The following PTPRD variants were observed in gnomAD, a reference collection of about 807,000 sequenced individuals.
PTPRD encodes the protein receptor-type tyrosine-protein phosphatase delta.
A neutral mutation model predicts 214.5 loss-of-function variants in PTPRD; 34 were observed. The ratio of observed to expected loss-of-function variants is 0.16; its 90% CI spans 0.12 to 0.21. PTPRD has a LOEUF of 0.21. Among genes scored for constraint, PTPRD ranks in the 10% least tolerant of loss-of-function variants. PTPRD has a pLI of 1.00. For missense variants in PTPRD, 2,545 were observed against 2,398.7 expected, an observed-to-expected ratio of 1.06 and a Z score of -1.27; for synonymous variants, 1,128 against 845.7, an observed-to-expected ratio of 1.33 and a Z score of -5.79.
chr9:9,969,737 T>C (rs548056209), intron 4 of PTPRD, among the ~76,000 whole-genome samples: 1 of 152,374 alleles, frequency 6.6e-6, no homozygotes, highest in African/African-American at 2.4e-5. Context: ...ACAGTCATTT[T>C]AAGTGGCAAT....
intron 9 of PTPRD, among the ~76,000 whole-genome samples, chr9:9,193,519 T>G (rs566999694): frequency 1.3e-5 from 2 of 152,304 alleles, no homozygotes; most frequent in Non-Finnish European, 2.9e-5. Context: ...TTAGGTGGTA[T>G]AGCCTACTAC....
chr9:10,564,827 T>C (rs1025693480), intron 2 of PTPRD, among the ~76,000 whole-genome samples: 1 of 152,198 alleles, frequency 6.6e-6, no homozygotes, highest in Admixed American at 6.5e-5. Flanking sequence ...AATGAATACT[T>C]ACACAGCATT....
intron 7 of PTPRD, among the ~76,000 whole-genome samples, chr9:9,611,564 A>C (rs2094515929): frequency 6.6e-6 from 1 of 152,108 alleles, no homozygotes; most frequent in Admixed American, 6.6e-5. Context: ...TCTGTATATG[A>C]CTATAAACAT....
At chr9:8,868,204 A>T (rs533893734) in intron 11 of PTPRD, among the ~76,000 whole-genome samples, 1 of 151,818 alleles carries the variant, frequency 6.6e-6, no homozygotes, top group Middle Eastern at 3.2e-3. Flanking sequence ...TAATTCATTT[A>T]TTTGTTTATA....
intron 8 of PTPRD, among the ~76,000 whole-genome samples, chr9:9,483,428 A>G (rs958360566): frequency 6.6e-6 from 1 of 152,174 alleles, no homozygotes; most frequent in Non-Finnish European, 1.5e-5. Context: ...TTAGGAAATT[A>G]GATGCCAATC....
At chr9:8,374,713 T>C (rs572332728) in intron 39 of PTPRD, among the ~76,000 whole-genome samples, 52 of 152,164 alleles carry the variant, frequency 3.4e-4, no homozygotes, top group African/African-American at 1.1e-3. Flanking sequence ...GCTTTGAAAT[T>C]AGTAAAATAC....
chr9:9,713,730 G>C (rs2097773116), intron 7 of PTPRD, among the ~76,000 whole-genome samples: 1 of 152,136 alleles, frequency 6.6e-6, no homozygotes, highest in Non-Finnish European at 1.5e-5. Flanking sequence ...TACAGGGACA[G>C]TGGGAGGAAA....
At position 9,054,662 on chromosome 9, in the gene PTPRD, G is replaced by A. The variant is rs112263068; in HGVS notation, c.-142-35927C>T. Among the ~76,000 whole-genome samples, 351 of 152,256 alleles carry A rather than the reference G, an allele frequency of 2.3e-3. 6 individuals carry two copies. Among genetic ancestry groups the A allele is most frequent in the African/African-American group, 8.2e-3 (339 of 41,542 alleles). ...GTGCTCCAAACCTGTTTTGAGCTTG[G>A]AACTATTCACTATTATATTTTTGCT... On this transcript the variant is annotated intron_variant, in intron 10 of 45. Transcript: ENST00000381196.
At chr9:9,031,589 C>G (rs1306429524) in intron 10 of PTPRD, among the ~76,000 whole-genome samples, 1 of 151,898 alleles carries the variant, frequency 6.6e-6, no homozygotes, top group Admixed American at 6.6e-5. Flanking sequence ...ATTTTCAGCT[C>G]TATTATAATC....
chr9:10,345,124 A>G (rs1052511890), intron 2 of PTPRD, among the ~76,000 whole-genome samples: 1 of 152,098 alleles, frequency 6.6e-6, no homozygotes, highest in South Asian at 2.1e-4. Flanking sequence ...ATTGCATCTG[A>G]TTCATTGCAA....
Position 9,653,427 on chromosome 9 carries a change from T to C in PTPRD, c.-286-78646A>G, listed in dbSNP as rs865883731. The stretch of plus-strand genomic sequence containing the variant: ...TTTACGCCTAAAGAAAATATAATGG[T>C]TAGCAAATATAGGTCCTTTGGTAAA... On this transcript the variant is annotated intron_variant, in intron 7 of 45. Transcript: ENST00000381196. Among the ~76,000 whole-genome samples the C allele has an allele frequency of 5.6e-5, 8 of 142,734 alleles. No homozygotes were observed. The South Asian group carries it at 1.8e-3, about 32-fold the overall frequency. 93.6% of individuals were successfully genotyped at this position (142,734 alleles called of 152,430 possible). A position where few individuals can be genotyped will look rare whatever the true frequency, so the allele number is the denominator to read the frequency against.
rs567879286 is a variant in PTPRD at position 10,313,727 on chromosome 9, T to G, written c.-545+27236A>C. ...TGCATTTGCATCTGCTTCCGATGTGTTTTTACTGAATTTCACTGTGTGTTG... is the reference window on the plus strand; with the variant it reads ...TGCATTTGCATCTGCTTCCGATGTGGTTTTACTGAATTTCACTGTGTGTTG... On this transcript the variant is annotated intron_variant, in intron 3 of 45. Coordinates refer to ENST00000381196, the MANE Select transcript of PTPRD (RefSeq NM_002839.4). Among the ~76,000 whole-genome samples, 148 of 152,052 alleles carry G rather than the reference T, an allele frequency of 9.7e-4. 2 individuals carry two copies. The highest frequency in any genetic ancestry group is 3.5e-3 in the African/African-American group (144 of 41,506).
intron 14 of PTPRD, among the ~76,000 whole-genome samples, chr9:8,577,389 G>A (rs769066983): frequency 1.3e-5 from 2 of 152,114 alleles, no homozygotes; most frequent in East Asian, 3.9e-4. Flanking sequence ...CCGAGTAGCT[G>A]GGATTATAGG....
chr9:8,903,962 C>T (rs950539933), intron 11 of PTPRD, among the ~76,000 whole-genome samples: 2 of 152,118 alleles, frequency 1.3e-5, no homozygotes, highest in African/African-American at 4.8e-5. Flanking sequence ...GAAGTCTAAA[C>T]GTGTTCACTT....
intron 7 of PTPRD, among the ~76,000 whole-genome samples, chr9:9,660,426 G>C (rs1268677273): frequency 6.6e-6 from 1 of 151,978 alleles, no homozygotes; most frequent in Admixed American, 6.6e-5. Context: ...CTGGGTCAGT[G>C]AGTAGTAGAG....
chr9:8,628,577 C>G lies in PTPRD; in HGVS notation c.352+4740G>C, dbSNP rs114822942. Among the ~76,000 whole-genome samples the G allele has an allele frequency of 1.4e-3, 200 of 147,978 alleles. 2 individuals carry two copies. Among genetic ancestry groups the G allele is most frequent in the African/African-American group, 4.9e-3 (194 of 39,826 alleles). On this transcript the variant is annotated intron_variant, in intron 14 of 45. Transcript: ENST00000381196. Reference sequence around the variant, plus strand: ...TGGAGAGGGGTGATCTGAGTGATTTCATCGCTAATCCAAGGCCTTCCCAAT... The same window carrying G: ...TGGAGAGGGGTGATCTGAGTGATTTGATCGCTAATCCAAGGCCTTCCCAAT...
At chr9:8,484,480 C>T (rs1157980558) in intron 29 of PTPRD, 102 bp from the exon 30 acceptor site, 4 of 1,188,184 alleles carry the variant, frequency 3.4e-6, no homozygotes, top group Admixed American at 5.6e-5. Context: ...TATATATAGT[C>T]AATTCTAATT....
chr9:9,393,248 T>C (rs2066522441), intron 9 of PTPRD, among the ~76,000 whole-genome samples: 1 of 152,172 alleles, frequency 6.6e-6, no homozygotes, highest in African/African-American at 2.4e-5. Flanking sequence ...ACTTGTCATC[T>C]TTCTCATTAA....
At chr9:10,269,615 T>C (rs575617130) in intron 3 of PTPRD, among the ~76,000 whole-genome samples, 68 of 152,284 alleles carry the variant, frequency 4.5e-4, no homozygotes, top group African/African-American at 1.6e-3. Context: ...GTTTTTAACA[T>C]TGGTGAAGGT....
Sources: gnomAD v4.1 joint callset for allele counts (sites outside exome capture counted in the v4.1 genomes callset) on GRCh38, gnomAD v4.1.1 for gene constraint, MANE v1.5 for transcripts, NCBI Gene and HGNC (gene_info 2026-07-23, HGNC 2026-07-21) for gene names.